Variants in TRMT9B observed in about 807,000 individuals in gnomAD.
TRMT9B encodes the protein tRNA methyltransferase 9B (putative).
A neutral mutation model predicts 11.5 loss-of-function variants in TRMT9B; 16 were observed. The ratio of observed to expected loss-of-function variants is 1.39; its 90% confidence interval spans 0.94 to 2.11. TRMT9B has a LOEUF of 2.11. TRMT9B is among the 30% of genes most tolerant of loss of function. TRMT9B has a pLI of 0.00. For missense variants in TRMT9B, 941 were observed against 553.8 expected (o/e 1.70, Z -7.02); for synonymous variants, 274 against 192.4 (o/e 1.42, Z -3.51).
intron 2 of TRMT9B, among the ~76,000 whole-genome samples, chr8:12,992,505 A>T (rs1373971401): frequency 6.6e-6 from 1 of 152,064 alleles, no homozygotes; most frequent in African/African-American, 2.4e-5. Context: ...TCTCTGTGGT[A>T]TCTGAAGGAC....
At chr8:12,991,970 C>G (rs369687779) in intron 2 of TRMT9B, among the ~76,000 whole-genome samples, 14 of 152,284 alleles carry the variant, frequency 9.2e-5, no homozygotes, top group African/African-American at 3.4e-4. Flanking sequence ...GGCAGCAAAT[C>G]AGAAAACACA....
intron 2 of TRMT9B, among the ~76,000 whole-genome samples, chr8:13,004,375 C>A (rs1352241975): frequency 6.6e-6 from 1 of 151,794 alleles, no homozygotes. Flanking sequence ...GCTCCCAACC[C>A]AGGCTGCACA....
At chr8:12,987,124 G>C (rs1268985767) in intron 1 of TRMT9B, among the ~76,000 whole-genome samples, 1 of 152,140 alleles carries the variant, frequency 6.6e-6, no homozygotes, top group Non-Finnish European at 1.5e-5. Context: ...ATAGTTAAGA[G>C]TGCGAACGCT....
In TRMT9B at chr8:13,021,352, T is replaced by G; in HGVS notation, c.673T>G (p.Cys225Gly). Reference sequence around the variant, plus strand: ...CTATGAACCTGCTATGGCAAGAACCTGTTTTGCAAATATTTCTAAGGAAGG... The same window carrying G: ...CTATGAACCTGCTATGGCAAGAACCGGTTTTGCAAATATTTCTAAGGAAGG... ...VGYEPAMART[C>G]FANISKEGEE... is the part of the protein sequence containing the mutation. The change falls in exon 5 of 5, where the codon TGT becomes GGT. Residue 225 changes from cysteine to glycine, a missense_variant. Coordinates refer to ENST00000524591, the MANE Select transcript of TRMT9B (RefSeq NM_020844.3). 6.2e-7 allele frequency: 1 copy of G among 1,614,072 alleles called. No homozygotes were observed. The highest frequency in any genetic ancestry group is 1.1e-5 in the South Asian group (1 of 91,084).
chr8:12,954,611 A>G (rs915525166), intron 1 of TRMT9B, among the ~76,000 whole-genome samples: 2 of 152,232 alleles, frequency 1.3e-5, no homozygotes, highest in African/African-American at 4.8e-5. Context: ...ATAAATTAGG[A>G]ATTCTTCTGA....
intron 4 of TRMT9B, 101 bp downstream of exon 4, chr8:13,012,958 A>T: frequency 7.6e-7 from 1 of 1,316,776 alleles, no homozygotes; most frequent in Non-Finnish European, 9.9e-7. Flanking sequence ...AGAAATGTCA[A>T]TGTAATTTAT....
chr8:12,975,778 G>A (rs934321117), intron 1 of TRMT9B, among the ~76,000 whole-genome samples: 6 of 151,914 alleles, frequency 3.9e-5, no homozygotes, highest in African/African-American at 1.5e-4. Flanking sequence ...ATAAATTGAT[G>A]CTTCTAGCTA....
At chr8:13,018,236 T>C (rs893018804) in intron 4 of TRMT9B, among the ~76,000 whole-genome samples, 1 of 151,278 alleles carries the variant, frequency 6.6e-6, no homozygotes, top group Non-Finnish European at 1.5e-5. Flanking sequence ...ACTCCATCTC[T>C]ACAAAAAATA....
intron 1 of TRMT9B, among the ~76,000 whole-genome samples, chr8:12,958,226 C>T (rs761661730): frequency 6.6e-6 from 1 of 152,150 alleles, no homozygotes; most frequent in Non-Finnish European, 1.5e-5. Context: ...CTTATCCATT[C>T]AGCTGCAGTT....
chr8:13,021,044 G>C lies in TRMT9B; in HGVS notation c.365G>C (p.Arg122Thr), dbSNP rs78377098. The C allele has an allele frequency of 1.9e-6, 3 of 1,575,920 alleles. No homozygotes were observed. Among genetic ancestry groups the C allele is most frequent in the Non-Finnish European group, 2.6e-6 (3 of 1,162,518 alleles). ...TTTTCTACAAAACAAAGAAGAATCAGAGCAATAAAAGAAATGGCCAGGGTC... is the reference window on the plus strand; with the variant it reads ...TTTTCTACAAAACAAAGAAGAATCACAGCAATAAAAGAAATGGCCAGGGTC... ...HHFSTKQRRI[R>T]AIKEMARVLV... Residue 122 changes from arginine (R) to threonine (T), a missense_variant, in exon 5 of 5, where the codon AGA (arginine) becomes ACA (threonine). By Grantham distance (71) the Arg-to-Thr change is moderately conservative. Coordinates refer to ENST00000524591, the MANE Select transcript of TRMT9B (RefSeq NM_020844.3).
At chr8:12,991,244 C>T (rs761513769) in intron 2 of TRMT9B, among the ~76,000 whole-genome samples, 16 of 152,096 alleles carry the variant, frequency 1.1e-4, no homozygotes, top group Non-Finnish European at 1.9e-4. Context: ...ACATATTTAG[C>T]ATTTTTAGAA....
intron 2 of TRMT9B, among the ~76,000 whole-genome samples, chr8:12,992,333 G>A (rs1390657696): frequency 6.6e-6 from 1 of 152,170 alleles, no homozygotes; most frequent in East Asian, 1.9e-4. Flanking sequence ...TGTCCTAAGA[G>A]TGATAGAGAT....
At chr8:12,954,301 G>C (rs28612560) in intron 1 of TRMT9B, among the ~76,000 whole-genome samples, 2,550 of 152,318 alleles carry the variant, frequency 0.017, 78 homozygotes, top group African/African-American at 0.058. Context: ...CATTTCACTT[G>C]TAAAGAATTT....
At chr8:12,952,722 A>G (rs1015571751) in intron 1 of TRMT9B, 20 of 974,150 alleles carry the variant, frequency 2.1e-5, no homozygotes, top group South Asian at 4.8e-5. Flanking sequence ...TTTGTATGAT[A>G]TTACTTGCTA....
chr8:12,998,127 T>A (rs1254235403), intron 2 of TRMT9B, among the ~76,000 whole-genome samples: 2 of 152,260 alleles, frequency 1.3e-5, no homozygotes, highest in Non-Finnish European at 2.9e-5. Context: ...GAATTGTTTA[T>A]ATTCTGGATA....
At chr8:12,988,801 T>G (rs1806795815) in intron 1 of TRMT9B, among the ~76,000 whole-genome samples, 1 of 152,158 alleles carries the variant, frequency 6.6e-6, no homozygotes, top group Non-Finnish European at 1.5e-5. Context: ...AATTCTATTA[T>G]TTTTTAGATG....
At chr8:12,986,309 C>T (rs1302198214) in intron 1 of TRMT9B, among the ~76,000 whole-genome samples, 1 of 152,128 alleles carries the variant, frequency 6.6e-6, no homozygotes, top group Non-Finnish European at 1.5e-5. Flanking sequence ...ACTGTCTTCC[C>T]TGGGGCCATC....
At position 13,016,233 on chromosome 8, in the gene TRMT9B, T is replaced by TA. The variant is rs1812659837; in HGVS notation, c.328+3377dup. On this transcript the variant is annotated intron_variant, in intron 4 of 4. Transcript: ENST00000524591. The stretch of plus-strand genomic sequence containing the variant: ...ATATAAAATATAAATGTGAAATATA[T>TA]ATTATATATAAAATATAAATGTGAA... Among the ~76,000 whole-genome samples the TA allele has an allele frequency of 1.8e-5, 2 of 112,486 alleles. 1 individual carries two copies. 73.8% of individuals were successfully genotyped at this position (112,486 alleles called of 152,430 possible).
rs622106 is a variant in TRMT9B at position 13,021,168 on chromosome 8, T to C, written c.489T>C (p.Ala163=). The part of the protein sequence containing the change: ...KQDVLVPWNR[A]LCSQLFSESS... Reference sequence around the variant, plus strand: ...ACGTGCTTGTTCCATGGAACAGGGCTCTGTGTTCCCAGCTCTTCTCAGAGT... The same window carrying C: ...ACGTGCTTGTTCCATGGAACAGGGCCCTGTGTTCCCAGCTCTTCTCAGAGT... Residue 163 remains alanine, a synonymous_variant, in exon 5 of 5, where the codon GCT becomes GCC. Coordinates refer to ENST00000524591, the MANE Select transcript of TRMT9B (RefSeq NM_020844.3). 0.77 allele frequency: 1,247,828 copies of C among 1,613,400 alleles called. 484,781 individuals carry two copies. Among genetic ancestry groups the C allele is most frequent in the Middle Eastern group, 0.8 (4,830 of 6,056 alleles).
Sources: gnomAD v4.1 joint callset for allele counts (sites outside exome capture counted in the v4.1 genomes callset) on GRCh38, gnomAD v4.1.1 for gene constraint, MANE v1.5 for transcripts, NCBI Gene and HGNC (gene_info 2026-07-23, HGNC 2026-07-21) for gene names.